The following PBLD variants were observed in gnomAD, a reference collection of about 807,000 sequenced individuals.
PBLD encodes phenazine biosynthesis like protein domain containing, also known as phenazine biosynthesis-like domain-containing protein.
A neutral mutation model predicts 31.3 loss-of-function variants in PBLD; 26 were observed. The observed-to-expected ratio is 0.83, with a 90% CI of 0.61 to 1.15. The LOEUF (loss-of-function observed/expected upper bound fraction) is 1.15, where lower values mean the gene tolerates loss of function less well. Among genes scored for constraint, PBLD ranks in the 50% most tolerant of loss-of-function variants. The pLI is 0.00. For missense variants in PBLD, 307 were observed against 351.7 expected (o/e 0.87, Z 1.02); for synonymous variants, 114 against 129.0 (o/e 0.88, Z 0.79).
At chr10:68,329,556 G>T (rs1287475185) in intron 1 of PBLD, among the ~76,000 whole-genome samples, 2 of 152,290 alleles carry the variant, frequency 1.3e-5, no homozygotes, top group African/African-American at 4.8e-5. Flanking sequence ...AGGACCAAGG[G>T]AAGAACTCCA....
At chr10:68,326,227 A>G (rs12762335) in intron 1 of PBLD, among the ~76,000 whole-genome samples, 1 of 152,042 alleles carries the variant, frequency 6.6e-6, no homozygotes, top group South Asian at 2.1e-4. Flanking sequence ...TTTAGTAGAG[A>G]CGTGGTCTCA....
chr10:68,322,651 G>A (rs149704499), intron 1 of PBLD, among the ~76,000 whole-genome samples: 6,568 of 149,320 alleles, frequency 0.044, 176 homozygotes, highest in African/African-American at 0.053. Flanking sequence ...GTGACACAGC[G>A]AGACCCTGTC....
chr10:68,319,477 G>C (rs180683616), intron 1 of PBLD, among the ~76,000 whole-genome samples: 12 of 152,302 alleles, frequency 7.9e-5, no homozygotes, highest in Admixed American at 4.6e-4. Context: ...GAGGCCAAAA[G>C]TTCAAGATCA....
In PBLD at chr10:68,306,784, C is replaced by T; in HGVS notation, c.61G>A (p.Ala21Thr). 1 of 1,611,906 alleles carries T rather than the reference C, an allele frequency of 6.2e-7. No homozygotes were observed. Among genetic ancestry groups the T allele is most frequent in the Non-Finnish European group, 8.5e-7 (1 of 1,178,488 alleles). ...ACATTTTCTAGGAGGCAAACAGCAG[C>T]AGGATTCCCACGAAATGCTCTTGCT... ...FTARAFRGNP[A>T]AVCLLENELD... The change falls in exon 2 of 10, where the codon GCT (alanine) becomes ACT (threonine). Residue 21 changes from alanine to threonine, a missense_variant. Physicochemically the swap from Ala to Thr is moderately conservative, Grantham distance 58. Transcript: ENST00000358769.
intron 2 of PBLD, among the ~76,000 whole-genome samples, chr10:68,297,492 C>T (rs149762799): frequency 6.2e-4 from 94 of 152,266 alleles, no homozygotes; most frequent in Non-Finnish European, 1.2e-3. Context: ...GTGTTGTCTC[C>T]TCTCCAGTGC....
intron 4 of PBLD, among the ~76,000 whole-genome samples, chr10:68,293,494 G>A (rs1375782521): frequency 6.6e-6 from 1 of 152,158 alleles, no homozygotes. Flanking sequence ...CATGTCAAAG[G>A]TGAAGAACTT....
intron 4 of PBLD, among the ~76,000 whole-genome samples, chr10:68,292,522 T>TTC (rs1431664478): frequency 2.6e-5 from 4 of 151,732 alleles, no homozygotes; most frequent in East Asian, 1.9e-4. Flanking sequence ...CTTTTTTTTT[T>TTC]TTCTTGAGAC....
intron 1 of PBLD, among the ~76,000 whole-genome samples, chr10:68,326,679 G>A (rs2044925855): frequency 6.6e-6 from 1 of 152,126 alleles, no homozygotes; most frequent in Admixed American, 6.5e-5. Context: ...AAACAGCATG[G>A]AACTAGAATT....
chr10:68,296,399 A>T (rs1449745659), intron 3 of PBLD, 35 bp from the exon 4 acceptor site: 2 of 1,469,458 alleles, frequency 1.4e-6, no homozygotes, highest in Non-Finnish European at 1.9e-6. Context: ...AGATGAGATC[A>T]TTCCCATGCA....
intron 2 of PBLD, among the ~76,000 whole-genome samples, chr10:68,301,958 A>G (rs1425453393): frequency 6.6e-6 from 1 of 152,214 alleles, no homozygotes; most frequent in East Asian, 1.9e-4. Flanking sequence ...GGAAAGTTTA[A>G]CAGTAGCAGC....
chr10:68,296,812 T>A, intron 3 of PBLD, 74 bp downstream of exon 3: 1 of 1,293,468 alleles, frequency 7.7e-7, no homozygotes, highest in Non-Finnish European at 1.1e-6. Flanking sequence ...GAGGTTGCAG[T>A]GAGTCAAGAT....
At chr10:68,289,663 T>TCACACACACACACACACA (rs1183126379) in intron 6 of PBLD, among the ~76,000 whole-genome samples, 1,436 of 136,446 alleles carry the variant, frequency 0.011, 28 homozygotes, top group Middle Eastern at 0.029. Context: ...AGGCCAAAGA[T>TCACACACACACACACACA]CACACACACA....
chr10:68,320,496 A>G (rs10998066), intron 1 of PBLD, among the ~76,000 whole-genome samples: 11,404 of 152,262 alleles, frequency 0.075, 664 homozygotes, highest in Non-Finnish European at 0.1. Flanking sequence ...AAGATGCTCA[A>G]GTCCATTATA....
intron 1 of PBLD, among the ~76,000 whole-genome samples, chr10:68,328,378 A>T (rs2044957805): frequency 6.6e-6 from 1 of 152,088 alleles, no homozygotes; most frequent in Non-Finnish European, 1.5e-5. Flanking sequence ...CGAAGAGTGT[A>T]ATCTCTTTCA....
chr10:68,287,079 A>G (rs1015138304), intron 8 of PBLD: 1 of 148,744 alleles, frequency 6.7e-6, no homozygotes, highest in East Asian at 2.0e-4. Flanking sequence ...CAGGGAGCTG[A>G]GAACGTGCCA....
Position 68,319,047 on chromosome 10 carries a change from A to AGAG in PBLD, c.-59-12145_-59-12144insCTC. On this transcript the variant is annotated intron_variant, in intron 1 of 9. Transcript: ENST00000358769. The stretch of plus-strand genomic sequence containing the variant: ...GGAGAGAGAAGGAAAGAAAGAAAGA[A>AGAG]AGAGAGAGAAAGAAAGAAAGAAAGA... Among the ~76,000 whole-genome samples, 2 of 111,248 alleles carry AGAG rather than the reference A, an allele frequency of 1.8e-5. 1 individual carries two copies. The highest frequency in any genetic ancestry group is 5.8e-4 in the South Asian group (2 of 3,452). The allele number at this position is 111,248 out of a possible 152,430, so 73.0% of individuals were successfully genotyped here. A position where few individuals can be genotyped will look rare whatever the true frequency, so the allele number is the denominator to read the frequency against.
intron 1 of PBLD, among the ~76,000 whole-genome samples, chr10:68,319,223 C>T (rs1589671767): frequency 6.6e-6 from 1 of 150,964 alleles, no homozygotes; most frequent in East Asian, 1.9e-4. Context: ...ATCAAGTTAC[C>T]ATAAAAGAAG....
At chr10:68,297,424 G>C (rs2044444863) in intron 2 of PBLD, among the ~76,000 whole-genome samples, 1 of 152,136 alleles carries the variant, frequency 6.6e-6, no homozygotes, top group Admixed American at 6.5e-5. Flanking sequence ...TCATGGGAAG[G>C]GCTTCAGGCC....
intron 4 of PBLD, among the ~76,000 whole-genome samples, chr10:68,295,640 C>A (rs1026330255): frequency 3.3e-5 from 5 of 152,174 alleles, no homozygotes; most frequent in African/African-American, 1.2e-4. Context: ...GCAAGCTTCA[C>A]AAAGACCAGA....
Sources: allele counts gnomAD v4.1 joint callset (sites outside exome capture counted in the v4.1 genomes callset), GRCh38; gene constraint gnomAD v4.1.1; transcripts MANE v1.5; gene names NCBI Gene and HGNC (gene_info 2026-07-23, HGNC 2026-07-21).